KCNN3: variants seen among roughly 807,000 people sequenced by gnomAD.
KCNN3 encodes the protein small conductance calcium-activated potassium channel protein 3.
A neutral mutation model predicts 62.9 loss-of-function variants in KCNN3; 16 were observed. The ratio of observed to expected loss-of-function variants is 0.25; its 90% CI spans 0.17 to 0.39. The LOEUF is 0.39. Ranked by LOEUF, KCNN3 falls within the 10% of genes least tolerant of loss-of-function variation. KCNN3 has a pLI of 1.00. For synonymous variants in KCNN3, 370 were observed against 389.2 expected, an observed-to-expected ratio of 0.95 and a Z score of 0.58; for missense variants, 599 against 949.4, an observed-to-expected ratio of 0.63 and a Z score of 4.85.
At chr1:154,855,184 C>T (rs1050882137) in intron 1 of KCNN3, among the ~76,000 whole-genome samples, 3 of 151,880 alleles carry the variant, frequency 2.0e-5, no homozygotes, top group African/African-American at 4.8e-5. Context: ...TGCCACTGCA[C>T]TCCAGCCTGG....
chr1:154,728,185 A>AG (rs1448967384), intron 4 of KCNN3, among the ~76,000 whole-genome samples: 1 of 152,264 alleles, frequency 6.6e-6, no homozygotes. Context: ...GGCTGATTGC[A>AG]GGGGGGGCTT....
chr1:154,752,850 C>A (rs1367003570), intron 3 of KCNN3, among the ~76,000 whole-genome samples: 1 of 152,100 alleles, frequency 6.6e-6, no homozygotes, highest in Non-Finnish European at 1.5e-5. Flanking sequence ...ACAAAGCATT[C>A]CTATGAGGAC....
intron 2 of KCNN3, among the ~76,000 whole-genome samples, chr1:154,793,225 G>A (rs1053916166): frequency 2.0e-5 from 3 of 152,216 alleles, no homozygotes; most frequent in Non-Finnish European, 2.9e-5. Flanking sequence ...TGAAGTAGTG[G>A]GTTGAAGAGC....
chr1:154,736,542 G>A (rs1335730214), intron 3 of KCNN3, among the ~76,000 whole-genome samples: 1 of 152,238 alleles, frequency 6.6e-6, no homozygotes, highest in African/African-American at 2.4e-5. Context: ...AGTGCTGCTA[G>A]AAGCTTTGCA....
intron 2 of KCNN3, among the ~76,000 whole-genome samples, chr1:154,803,886 C>A (rs1285417928): frequency 6.6e-6 from 1 of 152,254 alleles, no homozygotes; most frequent in African/African-American, 2.4e-5. Context: ...ACCCCTCCCT[C>A]CTTTCCCACT....
intron 1 of KCNN3, chr1:154,859,963 G>T: frequency 1.3e-6 from 1 of 768,554 alleles, no homozygotes; most frequent in Non-Finnish European, 2.0e-6. Flanking sequence ...TGTTCATTTA[G>T]TATCATCAAG....
At chr1:154,857,755 T>A (rs73011469) in intron 1 of KCNN3, among the ~76,000 whole-genome samples, 2 of 152,118 alleles carry the variant, frequency 1.3e-5, no homozygotes, top group African/African-American at 4.8e-5. Context: ...GGGAGAATTA[T>A]ATCTACCTCA....
rs114936473 is a variant in KCNN3, at chr1:154,744,184, C to G, written c.1449-11040G>C. Among the ~76,000 whole-genome samples, 1,116 of 151,908 alleles carry G rather than the reference C, an allele frequency of 7.3e-3. 16 individuals carry two copies. Among genetic ancestry groups the G allele is most frequent in the African/African-American group, 0.025 (1,049 of 41,366 alleles). ...TGGAGGAAAGGACTTTTTCTGTTTT[C>G]TTTACTGCTGTATCCCTAGTACTCA... On this transcript the variant is annotated intron_variant, in intron 3 of 7. Transcript: ENST00000271915.
In KCNN3 at chr1:154,721,654, G is replaced by A. The variant is rs190275503; in HGVS notation, c.1701+4262C>T. On this transcript the variant is annotated intron_variant, in intron 5 of 7. Coordinates refer to ENST00000271915, the MANE Select transcript of KCNN3 (RefSeq NM_002249.6). Reference sequence around the variant, plus strand: ...CTCTGAGGGCAGTCAGCCACCAGAGGTTAGGGATGGAGGTGAGGACCACCT... The same window carrying A: ...CTCTGAGGGCAGTCAGCCACCAGAGATTAGGGATGGAGGTGAGGACCACCT... Among the ~76,000 whole-genome samples the A allele has an allele frequency of 1.3e-4, 20 of 152,170 alleles. 1 individual carries two copies. The highest frequency in any genetic ancestry group is 1.1e-3 in the Admixed American group (17 of 15,272).
chr1:154,848,689 A>G (rs186304313), intron 1 of KCNN3, among the ~76,000 whole-genome samples: 7 of 152,178 alleles, frequency 4.6e-5, no homozygotes, highest in African/African-American at 1.7e-4. Context: ...CTCTGCCCCT[A>G]CTGTTGCCTC....
chr1:154,868,959 CCT>C (rs1653068647), intron 1 of KCNN3, 71 bp downstream of exon 1: 14 of 1,109,888 alleles, frequency 1.3e-5, no homozygotes, highest in Non-Finnish European at 1.9e-5. Flanking sequence ...TCACAATCCC[CCT>C]CTCTCAATCC....
chr1:154,749,117 T>C (rs943748896), intron 3 of KCNN3, among the ~76,000 whole-genome samples: 1 of 152,064 alleles, frequency 6.6e-6, no homozygotes, highest in Non-Finnish European at 1.5e-5. Flanking sequence ...TCATCCTGGA[T>C]CTGTGTTATA....
chr1:154,714,579 T>G (rs1571204475), intron 6 of KCNN3, among the ~76,000 whole-genome samples: 4 of 84,016 alleles, frequency 4.8e-5, no homozygotes, highest in Admixed American at 3.0e-4. Flanking sequence ...TGTGTGTGTG[T>G]GGTGTGTATG....
chr1:154,820,710 T>C (rs190470947), intron 2 of KCNN3, among the ~76,000 whole-genome samples: 3 of 152,314 alleles, frequency 2.0e-5, no homozygotes, highest in South Asian at 4.1e-4. Context: ...TCAGACTCCA[T>C]GAAGGAAGCT....
At position 154,822,113 on chromosome 1, in the gene KCNN3, G is replaced by A. The variant is rs754028439; in HGVS notation, c.1005C>T (p.Ile335=). Residue 335 remains isoleucine (I), a synonymous_variant, in exon 2 of 8, where the codon ATC becomes ATT. Transcript: ENST00000271915. The stretch of plus-strand genomic sequence containing the variant: ...CCTGGACTTCACGTGTGTGGTAGGC[G>A]ATGATCAAGCCCAAAAGGATGATGG... ...LSTIILLGLI[I]AYHTREVQLF... is the part of the protein sequence containing the mutation. 6.2e-6 allele frequency: 10 copies of A among 1,613,880 alleles called. No individual in the cohort carries two copies. Among genetic ancestry groups the A allele is most frequent in the African/African-American group, 4.0e-5 (3 of 74,928 alleles).
intron 7 of KCNN3, among the ~76,000 whole-genome samples, chr1:154,711,731 G>A (rs934585212): frequency 6.6e-6 from 1 of 152,142 alleles, no homozygotes; most frequent in Admixed American, 6.5e-5. Flanking sequence ...GGGTGGATAC[G>A]TGGCCCAAAT....
rs764576115 is a variant in KCNN3, at chr1:154,869,461, G to T, written c.504C>A (p.Asn168Lys). Residue 168 changes from asparagine (N) to lysine (K), a missense_variant, in exon 1 of 8, where the codon AAC becomes AAA. By Grantham distance (94) the Asn-to-Lys change is moderately conservative (BLOSUM62 0). Around this residue, in one of 7 missense-constraint regions of KCNN3, gnomAD observed 112 missense variants for 142.9 expected, o/e 0.78. Coordinates refer to ENST00000271915, the MANE Select transcript of KCNN3 (RefSeq NM_002249.6). This position sits in a 1 kb window ranked among gnomAD's most constrained non-coding sequence, Gnocchi z 6.1. ...ASPLVHRRDS[N>K]PFTEIAMSSC... ...AGCTCATGGCGATCTCCGTGAAGGG[G>T]TTGCTGTCCCGCCGGTGCACCAGGG... 2.5e-6 allele frequency: 4 copies of T among 1,614,112 alleles called. No homozygotes were observed.
At chr1:154,732,973 G>T (rs370223506) in intron 4 of KCNN3, 30 bp downstream of exon 4, 2 of 1,613,422 alleles carry the variant, frequency 1.2e-6, no homozygotes, top group South Asian at 1.1e-5. Context: ...ACATTTTAAG[G>T]GTAGGGAATG....
At chr1:154,759,906 T>C (rs929566524) in intron 3 of KCNN3, among the ~76,000 whole-genome samples, 2 of 152,252 alleles carry the variant, frequency 1.3e-5, no homozygotes, top group African/African-American at 2.4e-5. Flanking sequence ...GTCCCAAACT[T>C]AGTGCTTCAG....
Sources: allele counts gnomAD v4.1 joint callset (sites outside exome capture counted in the v4.1 genomes callset), GRCh38; gene constraint gnomAD v4.1.1; regional missense constraint gnomAD v4.1.1; non-coding constraint Gnocchi (gnomAD v3.1); transcripts MANE v1.5; gene names NCBI Gene and HGNC (gene_info 2026-07-23, HGNC 2026-07-21).